The following BAZ2B variants were observed in gnomAD, a reference collection of about 807,000 sequenced individuals.
BAZ2B encodes the protein bromodomain adjacent to zinc finger domain 2B.
A neutral mutation model predicts 246.0 loss-of-function variants in BAZ2B; 91 were observed. The ratio of observed to expected loss-of-function variants is 0.37; its 90% confidence interval spans 0.31 to 0.44. The LOEUF (loss-of-function observed/expected upper bound fraction) is 0.44. Among genes scored for constraint, BAZ2B ranks in the 20% least tolerant of loss-of-function variants. The probability of loss-of-function intolerance (pLI) is 1.00; values close to 1 mark genes in which losing one functional copy is unlikely to be tolerated. For missense variants in BAZ2B, 2,332 were observed against 2,533.7 expected (o/e 0.92, Z 1.71); for synonymous variants, 855 against 860.0 (o/e 0.99, Z 0.10).
Position 159,431,014 on chromosome 2 carries a change from G to A in BAZ2B, c.2043C>T (p.Ser681=), listed in dbSNP as rs779225838. Residue 681 remains serine, a synonymous_variant, in exon 10 of 37, where the codon AGC becomes AGT. Coordinates refer to ENST00000392783, the MANE Select transcript of BAZ2B (RefSeq NM_013450.4). ...AGTGACCTGTGAGACTCATGGAAGG[G>A]CTTTTGACAGAGGAAGTTGTTTTAT... is the stretch of plus-strand genomic sequence containing the variant. ...KLNKTTSSVK[S]PSMSLTGHST... The A allele has an allele frequency of 6.2e-7, 1 of 1,613,984 alleles. No individual in the cohort carries two copies. Among genetic ancestry groups the A allele is most frequent in the Admixed American group, 1.7e-5 (1 of 60,016 alleles).
intron 27 of BAZ2B, among the ~76,000 whole-genome samples, chr2:159,364,873 G>A (rs754450318): frequency 6.6e-6 from 1 of 152,084 alleles, no homozygotes; most frequent in African/African-American, 2.4e-5. Context: ...CTCAGGCAGG[G>A]GTACTGCACA....
chr2:159,400,568 A>C (rs1178201169), intron 17 of BAZ2B, 31 bp downstream of exon 17: 1 of 1,328,486 alleles, frequency 7.5e-7, no homozygotes, highest in Non-Finnish European at 1.1e-6. Flanking sequence ...TGGCTAAATT[A>C]CTTTAATTAT....
upstream of BAZ2B, among the ~76,000 whole-genome samples, chr2:159,620,522 C>A (rs1351473639): frequency 6.6e-6 from 1 of 151,962 alleles, no homozygotes; most frequent in African/African-American, 2.4e-5. Context: ...GAGGATGAGG[C>A]AACTAATTCT....
the BAZ2B span, among the ~76,000 whole-genome samples, chr2:159,687,566 T>C: frequency 1.3e-5 from 2 of 152,228 alleles, no homozygotes; most frequent in African/African-American, 2.4e-5. Context: ...CAAAGCTCCA[T>C]GGAGACAGAA....
chr2:159,427,895 G>A, intron 13 of BAZ2B, 46 bp downstream of exon 13: 1 of 1,446,074 alleles, frequency 6.9e-7, no homozygotes, highest in South Asian at 1.2e-5. Context: ...TTAGGTTATG[G>A]TACTACTTTT....
chr2:159,348,458 A>G (rs988404908), intron 30 of BAZ2B, among the ~76,000 whole-genome samples: 1 of 151,922 alleles, frequency 6.6e-6, no homozygotes, highest in African/African-American at 2.4e-5. Context: ...TTGTTATACT[A>G]TATATTATTT....
At chr2:159,583,112 CTTTT>C (rs11296306) in intron 1 of BAZ2B, among the ~76,000 whole-genome samples, 1 of 137,578 alleles carries the variant, frequency 7.3e-6, no homozygotes, top group African/African-American at 2.9e-5. Flanking sequence ...TTTTTCTTTT[CTTTT>C]TTTTTTTTTT....
At chr2:159,470,071 T>C (rs2077583337) in intron 3 of BAZ2B, among the ~76,000 whole-genome samples, 1 of 152,190 alleles carries the variant, frequency 6.6e-6, no homozygotes, top group African/African-American at 2.4e-5. Context: ...TGACCAACAC[T>C]ATTCTGAAAG....
rs1367659715 is a variant in BAZ2B, at chr2:159,337,670, C to T, written c.5557G>A (p.Gly1853Ser). 6.2e-7 allele frequency: 1 copy of T among 1,614,194 alleles called. No homozygotes were observed. Among genetic ancestry groups the T allele is most frequent in the East Asian group, 2.2e-5 (1 of 44,888 alleles). Reference sequence around the variant, plus strand: ...GCATGTGCACTGCTTTCGTCTTCGCCAGTAAATTCTCCATCATGCTCCTTG... The same window carrying T: ...GCATGTGCACTGCTTTCGTCTTCGCTAGTAAATTCTCCATCATGCTCCTTG... ...LCKEHDGEFTGEDESSAHALE... is the reference protein window; with the variant it reads ...LCKEHDGEFTSEDESSAHALE... The change falls in exon 32 of 37, where the codon GGC becomes AGC. Residue 1853 changes from glycine to serine, a missense_variant. Gly to Ser is a moderately conservative substitution (Grantham distance 56, BLOSUM62 0). Transcript: ENST00000392783.
chr2:159,647,251 T>C, the BAZ2B span, among the ~76,000 whole-genome samples: 4 of 152,166 alleles, frequency 2.6e-5, no homozygotes, highest in South Asian at 6.2e-4. Context: ...AGTCAGCAAA[T>C]TGGAAACCCA....
chr2:159,430,322 A>G (rs74522181), intron 10 of BAZ2B, among the ~76,000 whole-genome samples: 10,596 of 152,278 alleles, frequency 0.07, 520 homozygotes, highest in South Asian at 0.14. Context: ...TGAAGAGTCA[A>G]TATATTTCCT....
At chr2:159,561,781 T>C (rs773853300) in intron 1 of BAZ2B, among the ~76,000 whole-genome samples, 10 of 152,220 alleles carry the variant, frequency 6.6e-5, no homozygotes, top group Non-Finnish European at 1.3e-4. Flanking sequence ...TTCTATTTGG[T>C]AGGATATGTA....
intron 2 of BAZ2B, among the ~76,000 whole-genome samples, chr2:159,534,758 C>T (rs1294896696): frequency 2.0e-5 from 3 of 152,108 alleles, no homozygotes; most frequent in African/African-American, 7.2e-5. Context: ...AGGCATGCAC[C>T]TCTGCACCCA....
the BAZ2B span, among the ~76,000 whole-genome samples, chr2:159,668,865 T>C: frequency 6.6e-6 from 1 of 152,112 alleles, no homozygotes; most frequent in African/African-American, 2.4e-5. Context: ...GAGACCAGCC[T>C]GGGCAACATG....
chr2:159,441,045 T>C (rs752764863), intron 6 of BAZ2B, among the ~76,000 whole-genome samples: 41 of 152,160 alleles, frequency 2.7e-4, no homozygotes, highest in Non-Finnish European at 5.1e-4. Context: ...AAGACTACCA[T>C]TTATTTGTCA....
the BAZ2B span, among the ~76,000 whole-genome samples, chr2:159,630,626 C>T: frequency 2.6e-5 from 4 of 151,980 alleles, no homozygotes; most frequent in South Asian, 4.2e-4. Context: ...CTCCGCCTCC[C>T]GGGTTCACGC....
intron 4 of BAZ2B, among the ~76,000 whole-genome samples, chr2:159,451,265 A>T (rs1261178683): frequency 1.3e-5 from 2 of 152,206 alleles, no homozygotes; most frequent in Non-Finnish European, 2.9e-5. Context: ...TATTATGCTA[A>T]TACCCATTAA....
At chr2:159,482,631 C>T (rs570806289) in intron 2 of BAZ2B, among the ~76,000 whole-genome samples, 24 of 152,100 alleles carry the variant, frequency 1.6e-4, no homozygotes, top group Middle Eastern at 3.4e-3. Flanking sequence ...AGATAGATTA[C>T]GTGCTAAGAA....
At chr2:159,451,955 A>G (rs2075146814) in intron 4 of BAZ2B, among the ~76,000 whole-genome samples, 1 of 152,168 alleles carries the variant, frequency 6.6e-6, no homozygotes, top group East Asian at 1.9e-4. Context: ...ATCACTATCT[A>G]TATTGTTTTT....
Sources: gnomAD v4.1 joint callset for allele counts (sites outside exome capture counted in the v4.1 genomes callset) on GRCh38, gnomAD v4.1.1 for gene constraint, MANE v1.5 for transcripts, NCBI Gene and HGNC (gene_info 2026-07-23, HGNC 2026-07-21) for gene names.